Variants in MGAM observed in about 807,000 individuals in gnomAD.
MGAM encodes the protein maltase-glucoamylase.
Under a neutral mutation model 358.8 loss-of-function variants are expected in MGAM, and 253 were observed. The observed-to-expected ratio is 0.71, with a 90% CI of 0.64 to 0.78. The LOEUF is 0.78. Among genes scored for constraint, MGAM ranks in the 30% least tolerant of loss-of-function variants. The pLI, the probability that MGAM is intolerant of heterozygous loss-of-function variation, is 0.00. For missense variants in MGAM, 3,080 were observed against 3,432.6 expected, an observed-to-expected ratio of 0.90 and a Z score of 2.57; for synonymous variants, 1,105 against 1,227.1, an observed-to-expected ratio of 0.90 and a Z score of 2.08.
At chr7:142,017,663 A>C (rs1806077348) in intron 3 of MGAM, among the ~76,000 whole-genome samples, 1 of 152,178 alleles carries the variant, frequency 6.6e-6, no homozygotes, top group South Asian at 2.1e-4. Context: ...ACAAGAACAA[A>C]GACAAAACCG....
At chr7:142,024,999 A>G (rs10270832) in intron 7 of MGAM, 51 bp from the exon 8 acceptor site, 28,146 of 1,329,272 alleles carry the variant, frequency 0.021, 1,153 homozygotes, top group East Asian at 0.14. Flanking sequence ...CCACAGTGTG[A>G]TGCTGAGACT....
chr7:142,054,950 C>T (rs768561002), intron 27 of MGAM, 42 bp downstream of exon 27: 19 of 1,597,490 alleles, frequency 1.2e-5, no homozygotes, highest in Admixed American at 1.0e-4. Flanking sequence ...TGGCTACCTG[C>T]GCCTTCGCTG....
Position 142,040,298 on chromosome 7 carries a change from T to C in MGAM, c.2373+127T>C, listed in dbSNP as rs567408777. 16 of 754,332 alleles carry C rather than the reference T, an allele frequency of 2.1e-5. No homozygotes were observed. The Admixed American group carries it at 2.8e-4, about 13-fold the overall frequency. The allele number at this position is 754,332 out of a possible 1,614,324, so 46.7% of individuals were successfully genotyped here. A position where few individuals can be genotyped will look rare whatever the true frequency, so the allele number is the denominator to read the frequency against. The stretch of plus-strand genomic sequence containing the variant: ...AGTAGTTTTTAGTGTTTTCTGTAAT[T>C]TCATAGCAGAACCTGGGTAAAGTTA... On this transcript the variant is annotated intron_variant, in intron 20 of 70. Transcript: ENST00000475668.
intron 25 of MGAM, 96 bp downstream of exon 25, chr7:142,052,542 T>A (rs1422538868): frequency 6.7e-7 from 1 of 1,497,504 alleles, no homozygotes; most frequent in Non-Finnish European, 9.0e-7. Flanking sequence ...CTACTTAAAA[T>A]CCATAGAAAG....
At chr7:142,064,908 G>A (rs1812571785) in intron 37 of MGAM, among the ~76,000 whole-genome samples, 1 of 152,066 alleles carries the variant, frequency 6.6e-6, no homozygotes, top group African/African-American at 2.4e-5. Flanking sequence ...GGAGATGTTT[G>A]TATTTTTGGC....
At position 142,039,385 on chromosome 7, in the gene MGAM, G is replaced by T. The variant is rs143352184; in HGVS notation, c.2317-730G>T. On this transcript the variant is annotated intron_variant, in intron 19 of 70. Coordinates refer to ENST00000475668, the MANE Select transcript of MGAM (RefSeq NM_001365693.1). ...CAAAGTGCTGAGATTACAGGTGTGA[G>T]TCACCGCGCTTGGCCGCCACACACT... 2.4e-3 allele frequency among the ~76,000 whole-genome samples: 360 copies of T among 152,082 alleles called. 5 individuals are homozygous for T. Among genetic ancestry groups the T allele is most frequent in the African/African-American group, 8.2e-3 (341 of 41,492 alleles).
intron 63 of MGAM, among the ~76,000 whole-genome samples, chr7:142,095,196 C>T (rs1481752054): frequency 6.6e-6 from 1 of 152,138 alleles, no homozygotes; most frequent in Non-Finnish European, 1.5e-5. Context: ...AACTCGTGGC[C>T]TCAGTCCCCG....
chr7:142,024,349 G>A (rs1806753176), intron 7 of MGAM, among the ~76,000 whole-genome samples: 1 of 151,884 alleles, frequency 6.6e-6, no homozygotes, highest in Non-Finnish European at 1.5e-5. Flanking sequence ...GGGAGGTGGA[G>A]GTTACCGTGA....
chr7:142,099,163 G>A (rs1329780060), intron 66 of MGAM, among the ~76,000 whole-genome samples: 1 of 152,234 alleles, frequency 6.6e-6, no homozygotes, highest in Non-Finnish European at 1.5e-5. Context: ...ACAACAGAGT[G>A]GGGGTGAGGA....
At chr7:142,096,706 A>AAGATC (rs1815947025) in intron 65 of MGAM, among the ~76,000 whole-genome samples, 1 of 152,182 alleles carries the variant, frequency 6.6e-6, no homozygotes, top group Non-Finnish European at 1.5e-5. Context: ...TAAGGAATAG[A>AAGATC]AGATCAGATG....
At position 142,022,263 on chromosome 7, in the gene MGAM, T is replaced by C. The variant is rs1554459168; in HGVS notation, c.711-5T>C. The C allele has an allele frequency of 1.9e-6, 3 of 1,602,840 alleles. No homozygotes were observed. The highest frequency in any genetic ancestry group is 1.7e-5 in the Admixed American group (1 of 58,894). ...CCCATCCTTGTGTTCTCCACCTGTG[T>C]CTAGGTTTGACTCGAGCATTGGGCC... On this transcript the variant is annotated splice_region_variant and splice_polypyrimidine_tract_variant and intron_variant, in intron 6 of 70. Coordinates refer to ENST00000475668, the MANE Select transcript of MGAM (RefSeq NM_001365693.1).
chr7:142,082,186 G>A lies in MGAM; in HGVS notation c.6147G>A (p.Met2049Ile), dbSNP rs1459774919. ...ACTTGGAGTGGCACACTTGGGGGAT[G>A]TTCTCCCGAGACCAGCCCCCAGGGG... ...RRDLEWHTWG[M>I]FSRDQPPGYK... The change falls in exon 51 of 71, where the codon ATG becomes ATA. Residue 2049 changes from methionine (M) to isoleucine (I), a missense_variant. Met to Ile is a conservative substitution (Grantham distance 10, BLOSUM62 1). This residue lies in a region of MGAM where 932 missense variants were observed against 1,198.2 expected (regional missense o/e 0.78). Coordinates refer to ENST00000475668, the MANE Select transcript of MGAM (RefSeq NM_001365693.1). The A allele has an allele frequency of 6.4e-7, 1 of 1,554,930 alleles. No homozygotes were observed. Among genetic ancestry groups the A allele is most frequent in the Non-Finnish European group, 8.8e-7 (1 of 1,132,296 alleles).
chr7:142,097,667 T>C lies in MGAM; in HGVS notation c.7749+18T>C. ...ACTACACGGTAAGTTTTTCTGAATG[T>C]TTATACAACACGGGAAAATGGTAGA... is the stretch of plus-strand genomic sequence containing the variant. On this transcript the variant is annotated intron_variant, in intron 66 of 70. Transcript: ENST00000475668. 6.3e-7 allele frequency: 1 copy of C among 1,588,454 alleles called. No homozygotes were observed. The highest frequency in any genetic ancestry group is 1.3e-5 in the African/African-American group (1 of 74,284).
In MGAM at chr7:142,094,357, C is replaced by G; in HGVS notation, c.7173-7C>G. 1 of 1,514,894 alleles carries G rather than the reference C, an allele frequency of 6.6e-7. No individual in the cohort carries two copies. The highest frequency in any genetic ancestry group is 9.0e-7 in the Non-Finnish European group (1 of 1,112,200). 93.8% of individuals were successfully genotyped at this position (1,514,894 alleles called of 1,614,324 possible). ...CCTCAGTTCACCTCCTTTTCCCCTC[C>G]AACCAGAGCCGTGCAGGAGGTGACA... On this transcript the variant is annotated splice_polypyrimidine_tract_variant and splice_region_variant and intron_variant, in intron 60 of 70. Transcript: ENST00000475668.
intron 26 of MGAM, among the ~76,000 whole-genome samples, chr7:142,054,396 G>A (rs1051271696): frequency 2.0e-5 from 3 of 151,966 alleles, no homozygotes; most frequent in Non-Finnish European, 4.4e-5. Context: ...TTTCATTTTG[G>A]GGAGACAGGT....
chr7:142,004,949 C>T (rs956803979), intron 1 of MGAM, among the ~76,000 whole-genome samples: 2 of 152,020 alleles, frequency 1.3e-5, no homozygotes, highest in Non-Finnish European at 2.9e-5. Flanking sequence ...CTGATAAAAA[C>T]TCTAAAGCTA....
intron 57 of MGAM, 123 bp from the exon 58 acceptor site, chr7:142,091,790 C>T: frequency 9.6e-7 from 1 of 1,040,488 alleles, no homozygotes; most frequent in Non-Finnish European, 1.4e-6. Flanking sequence ...ATTATTTAGG[C>T]CCTGTTCAGG....
At chr7:142,034,212 A>T in intron 14 of MGAM, 50 bp from the exon 15 acceptor site, 1 of 1,361,728 alleles carries the variant, frequency 7.3e-7, no homozygotes, top group Non-Finnish European at 1.0e-6. Context: ...GTCAAGGAGC[A>T]GAAAATGTGC....
intron 46 of MGAM, 136 bp from the exon 47 acceptor site, chr7:142,076,523 A>G (rs139323658): frequency 6.6e-6 from 6 of 908,144 alleles, no homozygotes; most frequent in Non-Finnish European, 1.1e-5. Context: ...CTTCTTGAGC[A>G]GACACTAGTA....
Sources: allele counts gnomAD v4.1 joint callset (sites outside exome capture counted in the v4.1 genomes callset), GRCh38; gene constraint gnomAD v4.1.1; regional missense constraint gnomAD v4.1.1; transcripts MANE v1.5; gene names NCBI Gene and HGNC (gene_info 2026-07-23, HGNC 2026-07-21).